CHAT: variants seen among roughly 807,000 people sequenced by gnomAD.
The protein encoded by CHAT is acetyl CoA:choline O-acetyltransferase.
In CHAT, 61 loss-of-function variants were observed where a neutral mutation model predicts 76.9. That is an observed-to-expected ratio of 0.79 (90% CI 0.65 to 0.98). The LOEUF is 0.98. Ranked by LOEUF, CHAT falls within the 50% of genes least tolerant of loss-of-function variation. The probability of loss-of-function intolerance (pLI) is 0.00; values close to 1 mark genes in which losing one functional copy is unlikely to be tolerated. For synonymous variants in CHAT, 407 were observed against 397.4 expected, an observed-to-expected ratio of 1.02 and a Z score of -0.29; for missense variants, 946 against 986.9, an observed-to-expected ratio of 0.96 and a Z score of 0.56.
Position 49,625,476 on chromosome 10 carries a change from C to T in CHAT, c.756C>T (p.His252=), listed in dbSNP as rs1838883409. ...CCTTCCCACTCCTCTCCTTCAGCCA[C>T]TCCATTCCCACTGACTGTGCCAAAG... The part of the protein sequence containing the change: ...VLSYKALLDS[H]SIPTDCAKGQ... The change falls in exon 6 of 15, where the codon CAC becomes CAT. Residue 252 remains histidine (H), a synonymous_variant. Transcript: ENST00000337653. The T allele has an allele frequency of 3.7e-6, 6 of 1,612,386 alleles. No individual in the cohort carries two copies. Among genetic ancestry groups the T allele is most frequent in the Non-Finnish European group, 5.1e-6 (6 of 1,179,992 alleles).
intron 10 of CHAT, among the ~76,000 whole-genome samples, chr10:49,651,424 AG>A (rs1362113927): frequency 6.6e-6 from 1 of 152,208 alleles, no homozygotes; most frequent in African/African-American, 2.4e-5. Context: ...ACACTGCTCC[AG>A]TGGGCAGTCA....
At chr10:49,647,893 C>A (rs540802558) in intron 8 of CHAT, 1 of 168,334 alleles carries the variant, frequency 5.9e-6, no homozygotes, top group African/African-American at 2.4e-5. Flanking sequence ...TCTATGCTGA[C>A]CTCCAGGTTC....
intron 13 of CHAT, among the ~76,000 whole-genome samples, chr10:49,659,227 T>C (rs1840118883): frequency 1.3e-5 from 2 of 152,240 alleles, no homozygotes; most frequent in South Asian, 4.1e-4. Context: ...ACACATTTCA[T>C]ACCCAGCTAA....
rs781569427 is a variant in CHAT at position 49,646,627 on chromosome 10, G to C, written c.1234G>C (p.Gly412Arg). The C allele has an allele frequency of 6.2e-7, 1 of 1,614,076 alleles. No homozygotes were observed. Among genetic ancestry groups the C allele is most frequent in the Non-Finnish European group, 8.5e-7 (1 of 1,180,044 alleles). The change falls in exon 8 of 15, where the codon GGC (glycine) becomes CGC (arginine). Residue 412 changes from glycine (G) to arginine (R), a missense_variant. By Grantham distance (125) the Gly-to-Arg change is moderately radical (BLOSUM62 -2). This residue lies in a region of CHAT where 49 missense variants were observed against 76.7 expected (regional missense o/e 0.64). Coordinates refer to ENST00000337653, the MANE Select transcript of CHAT (RefSeq NM_020549.5). ...GGCACTCCAGCTCCTTCACGGCGGAGGCTACAGCAAGAACGGGGCCAATCG... is the reference window on the plus strand; with the variant it reads ...GGCACTCCAGCTCCTTCACGGCGGACGCTACAGCAAGAACGGGGCCAATCG... ...HRALQLLHGG[G>R]YSKNGANRWY...
intron 4 of CHAT, among the ~76,000 whole-genome samples, chr10:49,621,372 G>A: frequency 6.6e-6 from 1 of 152,182 alleles, no homozygotes; most frequent in East Asian, 1.9e-4. Flanking sequence ...TCTCCCCAGG[G>A]AAGAAGGAAG....
At chr10:49,649,406 CCG>C in intron 9 of CHAT, 100 bp from the exon 10 acceptor site, 1 of 1,561,092 alleles carries the variant, frequency 6.4e-7, no homozygotes, top group Non-Finnish European at 8.8e-7. Context: ...AACTCCATGG[CCG>C]CAAACACTGA....
chr10:49,662,454 G>A lies in CHAT; in HGVS notation c.1840-191G>A, dbSNP rs11101200. 0.42 allele frequency among the ~76,000 whole-genome samples: 63,817 copies of A among 152,168 alleles called. 13,858 individuals carry two copies. The highest frequency in any genetic ancestry group is 0.46 in the Non-Finnish European group (31,229 of 67,998). ...TGCATGTGGAAATGCGCAAGGGCCC[G>A]GGAGCAGAGGCCGCATGGTAGAGCG... On this transcript the variant is annotated intron_variant, in intron 13 of 14. Transcript: ENST00000337653.
At chr10:49,611,087 C>T (rs771080063), upstream of CHAT, 14 of 1,614,084 alleles carry the variant, frequency 8.7e-6, no homozygotes, top group South Asian at 1.5e-4. Flanking sequence ...CCCCGCTACC[C>T]TACGGAGAGC....
rs1358175297 is a variant in CHAT at position 49,666,156 on chromosome 10, C to T, written c.*1110C>T. On this transcript the variant is annotated 3_prime_UTR_variant, in exon 15 of 15. Transcript: ENST00000337653. ...GTAGAGCCTAGAGCAGGGCTCTCTT[C>T]TGGCCTCAGGGACTTAGGGGACAGC... 6.6e-6 allele frequency among the ~76,000 whole-genome samples: 1 copy of T among 152,178 alleles called. No individual in the cohort carries two copies. The highest frequency in any genetic ancestry group is 1.5e-5 in the Non-Finnish European group (1 of 68,036).
Position 49,627,731 on chromosome 10 carries a change from C to A in CHAT, c.1057C>A (p.Leu353Met). 6.2e-7 allele frequency: 1 copy of A among 1,614,072 alleles called. No homozygotes were observed. Among genetic ancestry groups the A allele is most frequent in the Non-Finnish European group, 8.5e-7 (1 of 1,179,926 alleles). ...EDERLPPIGLLTSDGRSEWAE... is the reference protein window; with the variant it reads ...EDERLPPIGLMTSDGRSEWAE... Reference sequence around the variant, plus strand: ...CGAGCGTTTGCCTCCAATTGGCCTGCTGACGTCTGACGGGAGGAGCGAGTG... The same window carrying A: ...CGAGCGTTTGCCTCCAATTGGCCTGATGACGTCTGACGGGAGGAGCGAGTG... Residue 353 changes from leucine (L) to methionine (M), a missense_variant, in exon 7 of 15, where the codon CTG (leucine) becomes ATG (methionine). Leu to Met is a conservative substitution (Grantham distance 15, BLOSUM62 2). Around this residue, in one of 3 missense-constraint regions of CHAT, gnomAD observed 548 missense variants for 516.2 expected, o/e 1.06. Coordinates refer to ENST00000337653, the MANE Select transcript of CHAT (RefSeq NM_020549.5).
Position 49,655,409 on chromosome 10 carries a change from G to T in CHAT, c.1800G>T (p.Leu600=), listed in dbSNP as rs373259575. ...AVPASEKLLL[L]KDAIRAQTAY... ...AGGCTTCTGAGAAGCTTCTGCTCCT[G>T]AAGGATGCCATCCGTGCCCAGACTG... Residue 600 remains leucine (L), a synonymous_variant, in exon 13 of 15, where the codon CTG becomes CTT. Coordinates refer to ENST00000337653, the MANE Select transcript of CHAT (RefSeq NM_020549.5). 1.2e-6 allele frequency: 2 copies of T among 1,614,134 alleles called. No homozygotes were observed. The highest frequency in any genetic ancestry group is 1.7e-6 in the Non-Finnish European group (2 of 1,180,040).
At chr10:49,644,888 C>T (rs1236858545) in intron 7 of CHAT, among the ~76,000 whole-genome samples, 1 of 152,182 alleles carries the variant, frequency 6.6e-6, no homozygotes, top group South Asian at 2.1e-4. Context: ...ATTTACTAAC[C>T]ACCCTGGGAA....
At chr10:49,626,317 C>T (rs1838920674) in intron 6 of CHAT, among the ~76,000 whole-genome samples, 1 of 152,226 alleles carries the variant, frequency 6.6e-6, no homozygotes, top group Non-Finnish European at 1.5e-5. Flanking sequence ...CTTCCCTGTG[C>T]CCACTGCACT....
chr10:49,650,910 G>A (rs781726123), intron 10 of CHAT, among the ~76,000 whole-genome samples: 2 of 152,168 alleles, frequency 1.3e-5, no homozygotes, highest in Non-Finnish European at 2.9e-5. Flanking sequence ...AGGGGCCAAG[G>A]CAGTGAGCTG....
rs1406989440 is a variant in CHAT at position 49,627,670 on chromosome 10, G to T, written c.996G>T (p.Gln332His). 3 of 1,614,060 alleles carry T rather than the reference G, an allele frequency of 1.9e-6. No homozygotes were observed. The highest frequency in any genetic ancestry group is 2.5e-6 in the Non-Finnish European group (3 of 1,180,006). The change falls in exon 7 of 15, where the codon CAG (glutamine) becomes CAT (histidine). Residue 332 changes from glutamine (Q) to histidine (H), a missense_variant. Gln to His is a conservative substitution (Grantham distance 24). Transcript: ENST00000337653. ...RRLSEGDLFTQLRKIVKMASN... is the reference protein window; with the variant it reads ...RRLSEGDLFTHLRKIVKMASN... ...TCAGTGAGGGGGATCTGTTCACTCA[G>T]TTGAGAAAGATAGTCAAAATGGCTT...
intron 10 of CHAT, among the ~76,000 whole-genome samples, chr10:49,650,791 G>A (rs1839851701): frequency 6.6e-6 from 1 of 152,154 alleles, no homozygotes; most frequent in African/African-American, 2.4e-5. Context: ...CCCATCCACT[G>A]GGAGCTGCTG....
intron 8 of CHAT, among the ~76,000 whole-genome samples, chr10:49,647,440 C>T (rs1327883958): frequency 6.6e-6 from 1 of 152,208 alleles, no homozygotes; most frequent in Non-Finnish European, 1.5e-5. Flanking sequence ...TATAAAACAG[C>T]AGGCAAAAAC....
chr10:49,634,761 C>CT (rs1353430668), intron 7 of CHAT, among the ~76,000 whole-genome samples: 1 of 152,118 alleles, frequency 6.6e-6, no homozygotes, highest in Non-Finnish European at 1.5e-5. Flanking sequence ...CCCCACCATC[C>CT]TTTCCCCCAG....
chr10:49,643,362 C>T (rs1384170953), intron 7 of CHAT, among the ~76,000 whole-genome samples: 1 of 152,248 alleles, frequency 6.6e-6, no homozygotes, highest in Non-Finnish European at 1.5e-5. Flanking sequence ...ATCCAAACCA[C>T]TGTCCCACCC....
Sources: gnomAD v4.1 joint callset for allele counts (sites outside exome capture counted in the v4.1 genomes callset) on GRCh38, gnomAD v4.1.1 for gene constraint, gnomAD v4.1.1 regional missense constraint, MANE v1.5 for transcripts, NCBI Gene and HGNC (gene_info 2026-07-23, HGNC 2026-07-21) for gene names.